The following CSTL1 variants were observed in gnomAD, a reference collection of about 807,000 sequenced individuals.
CSTL1 encodes the protein cystatin like 1, also known as cystatin-like 1.
In CSTL1, 14 loss-of-function variants were observed where a neutral mutation model predicts 14.4. The ratio of observed to expected loss-of-function variants is 0.97; its 90% CI spans 0.64 to 1.52. CSTL1 has a LOEUF of 1.52. CSTL1 is among the 40% of genes most tolerant of loss of function. CSTL1 has a pLI of 0.00. For missense variants in CSTL1, 170 were observed against 168.7 expected (o/e 1.01, Z -0.04); for synonymous variants, 72 against 67.5 (o/e 1.07, Z -0.33).
chr20:23,452,517 C>G, the CSTL1 span: 4 of 1,000,268 alleles, frequency 4.0e-6, no homozygotes, highest in African/African-American at 6.4e-5. Context: ...GGGACTATTC[C>G]TGACACCAGT....
the CSTL1 span, among the ~76,000 whole-genome samples, chr20:23,450,861 C>T: frequency 1.3e-5 from 2 of 152,162 alleles, no homozygotes; most frequent in South Asian, 4.1e-4. Flanking sequence ...ATTCTTTTTT[C>T]CCTCTTCATT....
downstream of CSTL1, among the ~76,000 whole-genome samples, chr20:23,448,824 T>C (rs569288561): frequency 1.3e-5 from 2 of 152,334 alleles, no homozygotes; most frequent in South Asian, 4.1e-4. Flanking sequence ...ATGGTTAATA[T>C]TTATTTGAAT....
chr20:23,449,000 C>T (rs769969768), downstream of CSTL1, among the ~76,000 whole-genome samples: 13 of 152,134 alleles, frequency 8.5e-5, no homozygotes, highest in African/African-American at 1.9e-4. Flanking sequence ...ACCTGGGCCC[C>T]GCTGAAACAG....
At chr20:23,447,374 G>A (rs760882788), downstream of CSTL1, among the ~76,000 whole-genome samples, 1 of 151,816 alleles carries the variant, frequency 6.6e-6, no homozygotes, top group African/African-American at 2.4e-5. Context: ...CTTTTGGGTC[G>A]TTTTCAGCTT....
chr20:23,458,398 A>C, the CSTL1 span: 1 of 152,210 alleles, frequency 6.6e-6, no homozygotes, highest in Admixed American at 6.5e-5. Flanking sequence ...CTTAAACTCC[A>C]GTGGCTTTGT....
At chr20:23,451,940 G>C in the CSTL1 span, 14 of 1,580,694 alleles carry the variant, frequency 8.9e-6, no homozygotes, top group African/African-American at 1.4e-5. Flanking sequence ...CCAGGCGTGG[G>C]GGAGGCACAG....
intron 2 of CSTL1, among the ~76,000 whole-genome samples, chr20:23,443,697 A>AG (rs1986892844): frequency 6.6e-6 from 1 of 152,212 alleles, no homozygotes; most frequent in Non-Finnish European, 1.5e-5. Context: ...GAACAGAGGC[A>AG]GGTGAGAAGC....
the CSTL1 span, chr20:23,452,640 C>T: frequency 1.2e-5 from 19 of 1,614,126 alleles, no homozygotes; most frequent in South Asian, 1.4e-4. Context: ...TCATCACTTT[C>T]CTTGTTATAC....
At chr20:23,449,911 G>A (rs561456594), downstream of CSTL1, among the ~76,000 whole-genome samples, 15 of 152,264 alleles carry the variant, frequency 9.9e-5, no homozygotes, top group South Asian at 3.1e-3. Context: ...TCGTGCAAGG[G>A]GGCAGAAGTC....
At chr20:23,448,040 T>C (rs1311416485), downstream of CSTL1, among the ~76,000 whole-genome samples, 1 of 152,102 alleles carries the variant, frequency 6.6e-6, no homozygotes, top group Non-Finnish European at 1.5e-5. Flanking sequence ...TTATTGTTAT[T>C]ATTATTTTAT....
At chr20:23,450,386 A>G in the CSTL1 span, 7 of 636,182 alleles carry the variant, frequency 1.1e-5, no homozygotes, top group East Asian at 2.0e-4. Context: ...AAAAAGAAAA[A>G]AAGTGGAATC....
chr20:23,460,686 T>A, the CSTL1 span, among the ~76,000 whole-genome samples: 1 of 152,146 alleles, frequency 6.6e-6, no homozygotes, highest in African/African-American at 2.4e-5. Context: ...AGTTTTCACA[T>A]AAACAAAAGG....
chr20:23,459,505 G>A, the CSTL1 span: 1 of 152,074 alleles, frequency 6.6e-6, no homozygotes, highest in African/African-American at 2.4e-5. Context: ...TTTCTGACAA[G>A]TAGTGCAGTT....
the CSTL1 span, chr20:23,450,596 C>G: frequency 6.3e-7 from 1 of 1,598,108 alleles, no homozygotes; most frequent in Non-Finnish European, 8.6e-7. Context: ...CTTGCTAAAA[C>G]AAAAAACAAA....
the CSTL1 span, chr20:23,452,726 TTC>T: frequency 6.8e-6 from 11 of 1,614,132 alleles, no homozygotes; most frequent in Non-Finnish European, 9.3e-6. Context: ...TAGAAAGGTT[TTC>T]TTCCTTGCTT....
the CSTL1 span, among the ~76,000 whole-genome samples, chr20:23,460,063 T>C: frequency 6.6e-6 from 1 of 152,230 alleles, no homozygotes; most frequent in Admixed American, 6.5e-5. Flanking sequence ...CTGCCAACAT[T>C]AGATGAGAAT....
the CSTL1 span, chr20:23,458,932 A>C: frequency 2.0e-5 from 3 of 152,194 alleles, no homozygotes; most frequent in African/African-American, 7.2e-5. Flanking sequence ...GGTTTATAGG[A>C]GTCTAAGATC....
At chr20:23,455,994 C>A in the CSTL1 span, among the ~76,000 whole-genome samples, 1 of 152,166 alleles carries the variant, frequency 6.6e-6, no homozygotes, top group South Asian at 2.1e-4. Context: ...CTTCTCCAAG[C>A]CCAAATCTTG....
the CSTL1 span, among the ~76,000 whole-genome samples, chr20:23,458,041 C>T: frequency 6.6e-6 from 1 of 152,142 alleles, no homozygotes; most frequent in African/African-American, 2.4e-5. Context: ...TAACATGGAT[C>T]TATGGGTCCA....
Sources: allele counts gnomAD v4.1 joint callset (sites outside exome capture counted in the v4.1 genomes callset), GRCh38; gene constraint gnomAD v4.1.1; transcripts MANE v1.5; gene names NCBI Gene and HGNC (gene_info 2026-07-23, HGNC 2026-07-21).